The following SLC25A48 variants were observed in gnomAD, a reference collection of about 807,000 sequenced individuals.
The protein encoded by SLC25A48 is CTC-321K16.1.
In SLC25A48, 29 loss-of-function variants were observed where a neutral mutation model predicts 32.2. The observed-to-expected ratio is 0.90, with a 90% CI of 0.67 to 1.23. The LOEUF is 1.23. Among genes scored for constraint, SLC25A48 ranks in the 50% most tolerant of loss-of-function variants. The pLI is 0.00. For synonymous variants in SLC25A48, 164 were observed against 172.3 expected, an observed-to-expected ratio of 0.95 and a Z score of 0.38; for missense variants, 399 against 422.7, an observed-to-expected ratio of 0.94 and a Z score of 0.49.
At chr5:135,600,252 G>A (rs1026353263) in intron 1 of SLC25A48, among the ~76,000 whole-genome samples, 16 of 152,218 alleles carry the variant, frequency 1.1e-4, no homozygotes, top group African/African-American at 3.9e-4. Context: ...AGCTTGGAGA[G>A]CAGATGAATA....
At chr5:135,887,189 A>G (rs1302157078) in intron 7 of SLC25A48, among the ~76,000 whole-genome samples, 1 of 152,146 alleles carries the variant, frequency 6.6e-6, no homozygotes, top group Non-Finnish European at 1.5e-5. Context: ...TTCTTTCTAA[A>G]CCAATATAAT....
At chr5:135,675,633 T>A (rs956488529) in intron 3 of SLC25A48, among the ~76,000 whole-genome samples, 3 of 152,052 alleles carry the variant, frequency 2.0e-5, no homozygotes, top group Non-Finnish European at 4.4e-5. Flanking sequence ...AGTCAGGTGA[T>A]GTGATGCCTC....
Position 135,791,911 on chromosome 5 carries a change from T to C in SLC25A48, c.-520-20612T>C, listed in dbSNP as rs368628767. Among the ~76,000 whole-genome samples, 9 of 151,894 alleles carry C rather than the reference T, an allele frequency of 5.9e-5. No individual in the cohort carries two copies. In the South Asian group the frequency reaches 1.2e-3, roughly 21 times the overall value. ...GGTATGTACATTCTGTGATAATATA[T>C]GTAATATCCTAAGAAGATATTACCG... is the stretch of plus-strand genomic sequence containing the variant. On this transcript the variant is annotated intron_variant, in intron 3 of 10. Coordinates refer to the SLC25A48 transcript ENST00000646290.
At chr5:135,795,112 C>T (rs1230221707) in intron 3 of SLC25A48, among the ~76,000 whole-genome samples, 2 of 151,858 alleles carry the variant, frequency 1.3e-5, no homozygotes, top group African/African-American at 4.8e-5. Flanking sequence ...GTACACCACT[C>T]CTGTGATATT....
At chr5:135,740,925 C>G (rs1755488930) in intron 3 of SLC25A48, among the ~76,000 whole-genome samples, 1 of 152,190 alleles carries the variant, frequency 6.6e-6, no homozygotes, top group South Asian at 2.1e-4. Flanking sequence ...TGAATCTACT[C>G]AATACTGTAC....
At chr5:135,880,164 AT>A in intron 7 of SLC25A48, 67 bp downstream of exon 7, 1 of 1,469,040 alleles carries the variant, frequency 6.8e-7, no homozygotes, top group East Asian at 2.5e-5. Context: ...TTTTTTTATC[AT>A]GAGAATGTTG....
Position 135,852,824 on chromosome 5 carries a change from A to G in SLC25A48, c.421+3A>G. On this transcript the variant is annotated splice_donor_region_variant and intron_variant, in intron 4 of 7. Transcript: ENST00000681962. ...GCAGACACAACCGTTTCGGGACGGT[A>G]AGAGGCCAGGGGAGCGGAGGCTGGT... The G allele has an allele frequency of 6.2e-7, 1 of 1,601,836 alleles. No homozygotes were observed. Among genetic ancestry groups the G allele is most frequent in the Non-Finnish European group, 8.5e-7 (1 of 1,169,948 alleles).
chr5:135,861,998 G>A (rs996850282), intron 4 of SLC25A48, among the ~76,000 whole-genome samples: 3 of 152,252 alleles, frequency 2.0e-5, no homozygotes, highest in Admixed American at 6.5e-5. Context: ...GTGTTCAGTT[G>A]TATGTGCCTG....
chr5:135,700,855 G>A (rs1754378651), intron 3 of SLC25A48, among the ~76,000 whole-genome samples: 1 of 152,228 alleles, frequency 6.6e-6, no homozygotes, highest in Admixed American at 6.5e-5. Context: ...GTGCTCCGAG[G>A]CCTGCCAGGC....
chr5:135,586,885 CA>C (rs1751378252), intron 1 of SLC25A48, among the ~76,000 whole-genome samples: 1 of 152,066 alleles, frequency 6.6e-6, no homozygotes, highest in African/African-American at 2.4e-5. Flanking sequence ...GAATTTCAAG[CA>C]GGGTTGTGTG....
chr5:135,643,506 T>G (rs771339421), intron 3 of SLC25A48, among the ~76,000 whole-genome samples: 13 of 152,216 alleles, frequency 8.5e-5, no homozygotes, highest in Non-Finnish European at 1.5e-4. Flanking sequence ...CCATCTAGCC[T>G]GTCTCTCATG....
At chr5:135,685,813 G>A (rs1472229694) in intron 3 of SLC25A48, among the ~76,000 whole-genome samples, 1 of 152,212 alleles carries the variant, frequency 6.6e-6, no homozygotes, top group East Asian at 1.9e-4. Flanking sequence ...GAATCCACAT[G>A]CTGGGATTGA....
At chr5:135,774,890 G>GGT (rs1251245815) in intron 3 of SLC25A48, among the ~76,000 whole-genome samples, 7 of 151,568 alleles carry the variant, frequency 4.6e-5, no homozygotes, top group Non-Finnish European at 1.0e-4. Context: ...TATTGCAGAA[G>GGT]GTGTACACAC....
chr5:135,676,899 C>A (rs149646124), intron 3 of SLC25A48, among the ~76,000 whole-genome samples: 5 of 151,850 alleles, frequency 3.3e-5, no homozygotes, highest in Non-Finnish European at 1.5e-5. Flanking sequence ...GAGAATGTTC[C>A]GTGTGCTAAT....
intron 1 of SLC25A48, among the ~76,000 whole-genome samples, chr5:135,624,239 A>G (rs1340585261): frequency 3.3e-5 from 5 of 152,186 alleles, no homozygotes; most frequent in African/African-American, 9.7e-5. Flanking sequence ...GGGGTGGGGC[A>G]CAGTGTTGAC....
intron 1 of SLC25A48, among the ~76,000 whole-genome samples, chr5:135,582,912 G>T (rs1463950077): frequency 6.6e-6 from 1 of 152,106 alleles, no homozygotes; most frequent in Non-Finnish European, 1.5e-5. Flanking sequence ...TGTTGCCACC[G>T]ATTTTAGTTT....
chr5:135,867,506 C>A (rs1180257069), intron 4 of SLC25A48, among the ~76,000 whole-genome samples: 1 of 152,102 alleles, frequency 6.6e-6, no homozygotes, highest in African/African-American at 2.4e-5. Flanking sequence ...TCCTGGCAAC[C>A]CCCCGGCTCT....
intron 2 of SLC25A48, among the ~76,000 whole-genome samples, chr5:135,631,922 C>T (rs954734468): frequency 2.0e-5 from 3 of 152,190 alleles, no homozygotes; most frequent in Non-Finnish European, 4.4e-5. Flanking sequence ...AAGCAGAGGA[C>T]TGCTTTTGAA....
At chr5:135,686,307 A>C (rs1414486689) in intron 3 of SLC25A48, among the ~76,000 whole-genome samples, 1 of 152,206 alleles carries the variant, frequency 6.6e-6, no homozygotes, top group Non-Finnish European at 1.5e-5. Context: ...ATTATGTCCA[A>C]ACTGCTAGGC....
Sources: gnomAD v4.1 joint callset for allele counts (sites outside exome capture counted in the v4.1 genomes callset) on GRCh38, gnomAD v4.1.1 for gene constraint, MANE v1.5 for transcripts, NCBI Gene and HGNC (gene_info 2026-07-23, HGNC 2026-07-21) for gene names.